The following WDFY4 variants were observed in gnomAD, a reference collection of about 807,000 sequenced individuals.
The protein encoded by WDFY4 is WD repeat- and FYVE domain-containing protein 4.
In WDFY4, 169 loss-of-function variants were observed where a neutral mutation model predicts 351.9. That is an observed-to-expected ratio of 0.48 (90% CI 0.42 to 0.55). The LOEUF is 0.55. WDFY4 is among the 20% of genes least tolerant of loss of function. The pLI is 0.00. For missense variants in WDFY4, 3,803 were observed against 3,935.6 expected (o/e 0.97, Z 0.90); for synonymous variants, 1,622 against 1,574.6 (o/e 1.03, Z -0.71).
chr10:48,812,366 T>A (rs1247185843), intron 30 of WDFY4, among the ~76,000 whole-genome samples: 1 of 151,902 alleles, frequency 6.6e-6, no homozygotes, highest in Non-Finnish European at 1.5e-5. Flanking sequence ...ATTTTTGTGT[T>A]TTTAGTACAG....
At chr10:48,923,425 C>T (rs1839273282) in intron 47 of WDFY4, among the ~76,000 whole-genome samples, 1 of 149,188 alleles carries the variant, frequency 6.7e-6, no homozygotes, top group Non-Finnish European at 1.5e-5. Flanking sequence ...GTAGATTTGC[C>T]AGATTTAGCA....
At chr10:48,694,814 C>A (rs1436034851) in intron 1 of WDFY4, among the ~76,000 whole-genome samples, 1 of 152,156 alleles carries the variant, frequency 6.6e-6, no homozygotes, top group Non-Finnish European at 1.5e-5. Flanking sequence ...CATCCTTACT[C>A]TTCAGTGTCC....
Position 48,982,548 on chromosome 10 carries a change from A to G in WDFY4, c.9528A>G (p.Arg3176=), listed in dbSNP as rs776812432. 10 of 1,542,428 alleles carry G rather than the reference A, an allele frequency of 6.5e-6. No individual in the cohort carries two copies. In the South Asian group the frequency reaches 1.1e-4, roughly 17 times the overall value. ...TCCTGGTTGGTGATGAGAGGGGGAG[A>G]ATATTCTGCTGGTCTGCAGATGGGT... The part of the protein sequence containing the change: ...TKLLVGDERG[R]IFCWSADG The change falls in exon 62 of 62, where the codon AGA becomes AGG. Residue 3176 remains arginine (R), a synonymous_variant. Transcript: ENST00000325239.
chr10:48,817,834 T>C (rs1015696952), intron 32 of WDFY4, among the ~76,000 whole-genome samples: 1 of 152,210 alleles, frequency 6.6e-6, no homozygotes, highest in Non-Finnish European at 1.5e-5. Flanking sequence ...CCCTGGGCCA[T>C]GACTTGTGTG....
intron 47 of WDFY4, among the ~76,000 whole-genome samples, chr10:48,913,112 C>G (rs1387775774): frequency 6.6e-6 from 1 of 152,140 alleles, no homozygotes; most frequent in Admixed American, 6.5e-5. Context: ...GATCTGGGGG[C>G]AAGAGTAGGA....
chr10:48,852,347 A>G (rs564019778), intron 39 of WDFY4, among the ~76,000 whole-genome samples: 1 of 152,372 alleles, frequency 6.6e-6, no homozygotes, highest in South Asian at 2.1e-4. Context: ...CTCCTGTAAA[A>G]TGATAGTAAT....
chr10:48,797,726 G>T (rs2066921961), intron 24 of WDFY4, among the ~76,000 whole-genome samples: 1 of 152,118 alleles, frequency 6.6e-6, no homozygotes. Context: ...TTGTGTTATA[G>T]ATGGGACTTT....
At chr10:48,893,970 T>C (rs181156186) in intron 44 of WDFY4, among the ~76,000 whole-genome samples, 1 of 152,332 alleles carries the variant, frequency 6.6e-6, no homozygotes, top group Non-Finnish European at 1.5e-5. Context: ...CTGCCCCTTC[T>C]ACCCAGTACC....
chr10:48,878,445 C>A (rs113022175), intron 43 of WDFY4: 1 of 152,208 alleles, frequency 6.6e-6, no homozygotes, highest in African/African-American at 2.4e-5. Context: ...TATGAACTTG[C>A]TGCAGAACTT....
chr10:48,812,134 C>T (rs571745956), intron 30 of WDFY4, among the ~76,000 whole-genome samples: 2 of 151,882 alleles, frequency 1.3e-5, no homozygotes, highest in Non-Finnish European at 2.9e-5. Context: ...TCAGCTCCTT[C>T]CTTGGGTGAC....
intron 40 of WDFY4, among the ~76,000 whole-genome samples, chr10:48,868,972 G>C (rs1348356288): frequency 6.6e-6 from 1 of 152,230 alleles, no homozygotes; most frequent in Non-Finnish European, 1.5e-5. Context: ...GCTGACTGGA[G>C]TTCAGAAAGG....
At chr10:48,801,957 G>A (rs1005381566) in intron 24 of WDFY4, among the ~76,000 whole-genome samples, 5 of 152,076 alleles carry the variant, frequency 3.3e-5, no homozygotes, top group Admixed American at 2.0e-4. Flanking sequence ...CCAGTGTGGG[G>A]CAAGGGAATG....
At chr10:48,882,740 C>T (rs969152018) in intron 43 of WDFY4, among the ~76,000 whole-genome samples, 6 of 152,096 alleles carry the variant, frequency 3.9e-5, no homozygotes, top group Admixed American at 1.3e-4. Flanking sequence ...GCTGAACTCT[C>T]GGAGAACTCA....
At chr10:48,723,902 T>G (rs1443403026) in intron 5 of WDFY4, among the ~76,000 whole-genome samples, 1 of 152,042 alleles carries the variant, frequency 6.6e-6, no homozygotes, top group Non-Finnish European at 1.5e-5. Context: ...TGAGTGAGCA[T>G]GGGGTCTGGG....
intron 2 of WDFY4, among the ~76,000 whole-genome samples, chr10:48,710,250 C>T (rs1236929980): frequency 6.6e-6 from 1 of 152,190 alleles, no homozygotes; most frequent in Non-Finnish European, 1.5e-5. Flanking sequence ...ATAGAAGGTG[C>T]CTTCTTGCCA....
intron 48 of WDFY4, among the ~76,000 whole-genome samples, chr10:48,942,896 G>A (rs1840853042): frequency 6.6e-6 from 1 of 152,204 alleles, no homozygotes; most frequent in Non-Finnish European, 1.5e-5. Flanking sequence ...AGCCCCAGAG[G>A]AAGCCAGACC....
In WDFY4 at chr10:48,789,880, A is replaced by T. The variant is rs1424347874; in HGVS notation, c.3961A>T (p.Ile1321Phe). 6.4e-7 allele frequency: 1 copy of T among 1,552,358 alleles called. No homozygotes were observed. The highest frequency in any genetic ancestry group is 2.4e-5 in the East Asian group (1 of 40,920). ...TTGCTGCTCATTTCTCTAGATGAAC[A>T]TTTCATCCCGTGACAATGCCATGCC... ...DSRLIAKEMN[I>F]SSRDNAMPVF... The change falls in exon 22 of 62, where the codon ATT (isoleucine) becomes TTT (phenylalanine). Residue 1321 changes from isoleucine to phenylalanine, a missense_variant. This residue lies in a region of WDFY4 where 3,054 missense variants were observed against 3,148.6 expected (regional missense o/e 0.97). Transcript: ENST00000325239.
chr10:48,686,879 C>T (rs2063064788), intron 1 of WDFY4, among the ~76,000 whole-genome samples: 1 of 152,086 alleles, frequency 6.6e-6, no homozygotes, highest in South Asian at 2.1e-4. Context: ...TGGGTATATA[C>T]TCTAGAAATA....
intron 47 of WDFY4, among the ~76,000 whole-genome samples, chr10:48,940,280 G>A (rs889352752): frequency 1.9e-4 from 29 of 152,348 alleles, no homozygotes; most frequent in Admixed American, 1.5e-3. Context: ...GCAGTATATC[G>A]GAGCATGTTT....
Sources: gnomAD v4.1 joint callset for allele counts (sites outside exome capture counted in the v4.1 genomes callset) on GRCh38, gnomAD v4.1.1 for gene constraint, gnomAD v4.1.1 regional missense constraint, MANE v1.5 for transcripts, NCBI Gene and HGNC (gene_info 2026-07-23, HGNC 2026-07-21) for gene names.